Variants in WBP1L observed in about 807,000 individuals in gnomAD.
WBP1L encodes the protein WW domain binding protein 1 like, also known as WW domain binding protein 1-like.
Under a neutral mutation model 33.7 loss-of-function variants are expected in WBP1L, and 17 were observed. That is an observed-to-expected ratio of 0.50 (90% CI 0.34 to 0.76). The LOEUF (loss-of-function observed/expected upper bound fraction) is 0.76, where lower values mean the gene tolerates loss of function less well. Among genes scored for constraint, WBP1L ranks in the 30% least tolerant of loss-of-function variants. WBP1L has a pLI of 0.01. For missense variants in WBP1L, 389 were observed against 469.4 expected, an observed-to-expected ratio of 0.83 and a Z score of 1.58; for synonymous variants, 173 against 190.8, an observed-to-expected ratio of 0.91 and a Z score of 0.77.
intron 1 of WBP1L, among the ~76,000 whole-genome samples, chr10:102,795,142 G>A (rs1424235540): frequency 6.6e-6 from 1 of 152,156 alleles, no homozygotes; most frequent in Non-Finnish European, 1.5e-5. Context: ...TTTTAATACA[G>A]TATTAAGTAG....
intron 1 of WBP1L, among the ~76,000 whole-genome samples, chr10:102,791,999 G>T (rs1843505861): frequency 6.6e-6 from 1 of 152,258 alleles, no homozygotes; most frequent in South Asian, 2.1e-4. Flanking sequence ...TGTGGAAACT[G>T]TTGAGGAAAA....
chr10:102,809,844 G>A (rs1346271909), intron 2 of WBP1L, 49 bp from the exon 3 acceptor site: 1 of 1,568,148 alleles, frequency 6.4e-7, no homozygotes, highest in Admixed American at 1.8e-5. Context: ...CTGCCCCTCT[G>A]GCTGGTACTC....
rs1843055376 is a variant in WBP1L, at chr10:102,762,601, C to T, written c.90+18458C>T. Among the ~76,000 whole-genome samples, 3 of 152,194 alleles carry T rather than the reference C, an allele frequency of 2.0e-5. No homozygotes were observed. In the South Asian group the frequency reaches 6.2e-4, roughly 32 times the overall value. On this transcript the variant is annotated intron_variant, in intron 1 of 3. Coordinates refer to ENST00000448841, the MANE Select transcript of WBP1L (RefSeq NM_001083913.2). ...ACTTGGTCTTTCATTTTCTTTGACA[C>T]ACACATCCATTTCCAACCTTTGCTT...
At chr10:102,776,484 T>C (rs1012115555) in intron 1 of WBP1L, 1 of 1,601,766 alleles carries the variant, frequency 6.2e-7, no homozygotes, top group Non-Finnish European at 8.6e-7. Context: ...ATTGTACTAC[T>C]GCTTTGGGTG....
intron 1 of WBP1L, among the ~76,000 whole-genome samples, chr10:102,772,622 T>G (rs1801472648): frequency 7.8e-6 from 1 of 127,772 alleles, no homozygotes; most frequent in South Asian, 2.6e-4. Context: ...CAGGCTGGAG[T>G]GCAGTGGTGT....
chr10:102,754,166 T>G (rs1842949226), intron 1 of WBP1L, among the ~76,000 whole-genome samples: 1 of 152,222 alleles, frequency 6.6e-6, no homozygotes, highest in Admixed American at 6.5e-5. Context: ...ACCAGGATGT[T>G]GGAATATTGT....
chr10:102,768,987 C>G (rs1249074407), intron 1 of WBP1L, among the ~76,000 whole-genome samples: 1 of 152,064 alleles, frequency 6.6e-6, no homozygotes, highest in Non-Finnish European at 1.5e-5. Flanking sequence ...TGCGCTTGGC[C>G]TCGTTTGTTT....
chr10:102,773,851 T>TA (rs1843221703), intron 1 of WBP1L, among the ~76,000 whole-genome samples: 1 of 134,648 alleles, frequency 7.4e-6, no homozygotes, highest in Admixed American at 7.6e-5. Context: ...CCCTATCTCT[T>TA]AAAAAAACAA....
chr10:102,809,606 C>G lies in WBP1L; in HGVS notation c.194-287C>G, dbSNP rs568323249. Among the ~76,000 whole-genome samples the G allele has an allele frequency of 2.0e-5, 3 of 152,318 alleles. No individual in the cohort carries two copies. The East Asian group carries it at 5.8e-4, about 29-fold the overall frequency. On this transcript the variant is annotated intron_variant, in intron 2 of 3. Transcript: ENST00000448841. ...CAGGCTGGTCTCGAACTCCTGACCT[C>G]AAGTGATCCACCCATCTTGGCCTGG...
intron 1 of WBP1L, among the ~76,000 whole-genome samples, chr10:102,753,817 A>G (rs573671000): frequency 6.6e-6 from 1 of 152,340 alleles, no homozygotes; most frequent in Non-Finnish European, 1.5e-5. Flanking sequence ...GTGGCTTGGA[A>G]GGGTGGGTCC....
chr10:102,793,774 C>CTT (rs533691764), intron 1 of WBP1L, among the ~76,000 whole-genome samples: 3 of 146,172 alleles, frequency 2.1e-5, no homozygotes, highest in South Asian at 2.2e-4. Flanking sequence ...CCAGCTCACT[C>CTT]TTTTTTTTTT....
At chr10:102,755,918 G>T (rs976134433) in intron 1 of WBP1L, among the ~76,000 whole-genome samples, 13 of 151,606 alleles carry the variant, frequency 8.6e-5, no homozygotes, top group African/African-American at 3.1e-4. Context: ...GGTGGTGGGT[G>T]CCTGTAGTCC....
Position 102,756,745 on chromosome 10 carries a change from G to A in WBP1L, c.90+12602G>A, listed in dbSNP as rs1842982256. Among the ~76,000 whole-genome samples the A allele has an allele frequency of 6.6e-5, 10 of 152,150 alleles. No homozygotes were observed. In the South Asian group the frequency reaches 1.7e-3, roughly 25 times the overall value. On this transcript the variant is annotated intron_variant, in intron 1 of 3. Coordinates refer to ENST00000448841, the MANE Select transcript of WBP1L (RefSeq NM_001083913.2). ...GTAGATAGTGCCACGTTGTTCTCCG[G>A]TATGGTTGTATCAGTTTACATTCGC...
chr10:102,778,101 G>A (rs1843291036), intron 1 of WBP1L, among the ~76,000 whole-genome samples: 1 of 152,200 alleles, frequency 6.6e-6, no homozygotes, highest in Non-Finnish European at 1.5e-5. Context: ...CATCTCTGAG[G>A]TCACACAGGG....
rs796637182 is a variant in WBP1L at position 102,810,491 on chromosome 10, CTCCTTCCTTCCTTCCTTCCT to C, written c.355+457_355+476del. ...CTTCCTTCCCTCCTTCCTTCCTTCC[CTCCTTCCTTCCTTCCTTCCT>C]TCCTTCCTTCCTTCCTTCCATCCAT... On this transcript the variant is annotated intron_variant, in intron 3 of 3. Transcript: ENST00000448841. Among the ~76,000 whole-genome samples, 52 of 81,632 alleles carry C rather than the reference CTCCTTCCTTCCTTCCTTCCT, an allele frequency of 6.4e-4. 2 individuals carry two copies. The highest frequency in any genetic ancestry group is 9.3e-4 in the Non-Finnish European group (41 of 44,308). 53.6% of individuals were successfully genotyped at this position (81,632 alleles called of 152,430 possible).
chr10:102,785,908 T>C (rs945420334), intron 1 of WBP1L, among the ~76,000 whole-genome samples: 1 of 152,222 alleles, frequency 6.6e-6, no homozygotes, highest in Non-Finnish European at 1.5e-5. Flanking sequence ...AGTGCCTCTG[T>C]AGCCTGCCAG....
At chr10:102,806,544 ATAAGT>A (rs1170405532) in intron 2 of WBP1L, among the ~76,000 whole-genome samples, 2 of 152,210 alleles carry the variant, frequency 1.3e-5, no homozygotes, top group African/African-American at 4.8e-5. Context: ...AGAAAGAAAC[ATAAGT>A]TAAGCAAGTT....
chr10:102,770,452 C>G (rs947679359), intron 1 of WBP1L, among the ~76,000 whole-genome samples: 9 of 152,206 alleles, frequency 5.9e-5, no homozygotes, highest in Non-Finnish European at 1.0e-4. Flanking sequence ...GACAAACTCT[C>G]TTTCTTCAGA....
intron 1 of WBP1L, among the ~76,000 whole-genome samples, chr10:102,777,303 A>G (rs1052224314): frequency 2.6e-5 from 4 of 152,162 alleles, no homozygotes; most frequent in Admixed American, 6.6e-5. Flanking sequence ...TGGGTGAGGA[A>G]AAGCCACAGA....
Sources: gnomAD v4.1 joint callset for allele counts (sites outside exome capture counted in the v4.1 genomes callset) on GRCh38, gnomAD v4.1.1 for gene constraint, MANE v1.5 for transcripts, NCBI Gene and HGNC (gene_info 2026-07-23, HGNC 2026-07-21) for gene names.